The following OVOL1 variants were observed in gnomAD, a reference collection of about 807,000 sequenced individuals.
OVOL1 encodes the protein putative transcription factor Ovo-like 1.
OVOL1 carries 10 observed loss-of-function variants against 21.5 expected under a neutral mutation model. The ratio of observed to expected loss-of-function variants is 0.46; its 90% CI spans 0.29 to 0.79. The LOEUF (loss-of-function observed/expected upper bound fraction) is 0.79. OVOL1 is among the 30% of genes least tolerant of loss of function. The pLI is 0.10. For synonymous variants in OVOL1, 129 were observed against 150.3 expected, an observed-to-expected ratio of 0.86 and a Z score of 1.03; for missense variants, 279 against 362.3, an observed-to-expected ratio of 0.77 and a Z score of 1.87.
intron 1 of OVOL1, chr11:65,790,390 C>T (rs900695919): frequency 3.3e-5 from 5 of 152,306 alleles, no homozygotes; most frequent in African/African-American, 9.6e-5. Flanking sequence ...CTCTGCCACT[C>T]GCCTGGTGGA....
At chr11:65,791,912 G>A (rs1221303269) in intron 1 of OVOL1, among the ~76,000 whole-genome samples, 1 of 152,258 alleles carries the variant, frequency 6.6e-6, no homozygotes, top group Non-Finnish European at 1.5e-5. Flanking sequence ...AGTGCCAGGT[G>A]GCACGCCAGT....
At chr11:65,791,051 C>T (rs1163094237) in intron 1 of OVOL1, among the ~76,000 whole-genome samples, 1 of 152,216 alleles carries the variant, frequency 6.6e-6, no homozygotes, top group African/African-American at 2.4e-5. Context: ...TGGGCGGGCA[C>T]CCTGGCGCGA....
chr11:65,795,392 T>G lies in OVOL1; in HGVS notation c.*51T>G, dbSNP rs920352857. On this transcript the variant is annotated 3_prime_UTR_variant, in exon 4 of 4. Transcript: ENST00000335987. This position sits in a 1 kb window ranked among gnomAD's most constrained non-coding sequence, Gnocchi z 5.7. ...TGGAAGCCCCAAGAGCATCCAGGAT[T>G]GCCTCCCAGCTGCCTGGCCAGCCCA... 4.7e-6 allele frequency: 7 copies of G among 1,495,124 alleles called. No homozygotes were observed. The highest frequency in any genetic ancestry group is 6.3e-6 in the Non-Finnish European group (7 of 1,114,150). The allele number at this position is 1,495,124 out of a possible 1,614,324, so 92.6% of individuals were successfully genotyped here.
In OVOL1 at chr11:65,795,293, A is replaced by G. The variant is rs1168335518; in HGVS notation, c.756A>G (p.Ala252=). The change falls in exon 4 of 4, where the codon GCA becomes GCG. Residue 252 remains alanine (A), a synonymous_variant. Transcript: ENST00000335987. This position sits in a 1 kb window ranked among gnomAD's most constrained non-coding sequence, Gnocchi z 5.7. ...LRKTSKKVAV[A]LQNTVTSLLQ... ...AGACCTCCAAGAAGGTGGCCGTGGC[A>G]CTACAGAACACTGTCACTTCCCTGC... 6.2e-7 allele frequency: 1 copy of G among 1,612,114 alleles called. No homozygotes were observed. Among genetic ancestry groups the G allele is most frequent in the East Asian group, 2.2e-5 (1 of 44,830 alleles).
At position 65,795,411 on chromosome 11, in the gene OVOL1, C is replaced by T; in HGVS notation, c.*70C>T. On this transcript the variant is annotated 3_prime_UTR_variant, in exon 4 of 4. Coordinates refer to ENST00000335987, the MANE Select transcript of OVOL1 (RefSeq NM_004561.4). The surrounding 1 kb of genome is among the most constrained non-coding windows in gnomAD (Gnocchi z 5.7). The stretch of plus-strand genomic sequence containing the variant: ...CAGGATTGCCTCCCAGCTGCCTGGC[C>T]AGCCCACCCTCCTGCAACCTCTCAC... The T allele has an allele frequency of 7.2e-7, 1 of 1,397,638 alleles. No homozygotes were observed. Among genetic ancestry groups the T allele is most frequent in the Non-Finnish European group, 9.7e-7 (1 of 1,032,942 alleles). 86.6% of individuals were successfully genotyped at this position (1,397,638 alleles called of 1,614,324 possible). A position where few individuals can be genotyped will look rare whatever the true frequency, so the allele number is the denominator to read the frequency against.
chr11:65,791,698 G>C (rs867081791), intron 1 of OVOL1, among the ~76,000 whole-genome samples: 4 of 152,354 alleles, frequency 2.6e-5, no homozygotes, highest in South Asian at 4.1e-4. Flanking sequence ...AGGCAAGTAG[G>C]GCCAGCAGGA....
At chr11:65,794,009 C>T (rs1355646471) in intron 1 of OVOL1, 22 bp from the exon 2 acceptor site, 2 of 1,599,728 alleles carry the variant, frequency 1.3e-6, no homozygotes, top group Non-Finnish European at 1.7e-6. Context: ...CCAAGCCTCT[C>T]ACCTGTCTGT....
rs779332644 is a variant in OVOL1 at position 65,794,255 on chromosome 11, C to T, written c.318+7C>T. ...CCTGCGCACCAAGATGAAGGTAATGCCACTCGCGCTGTCTCCGAGGGCCGG... is the reference window on the plus strand; with the variant it reads ...CCTGCGCACCAAGATGAAGGTAATGTCACTCGCGCTGTCTCCGAGGGCCGG... On this transcript the variant is annotated splice_region_variant and intron_variant, in intron 2 of 3. Coordinates refer to ENST00000335987, the MANE Select transcript of OVOL1 (RefSeq NM_004561.4). The T allele has an allele frequency of 1.9e-6, 3 of 1,609,742 alleles. No individual in the cohort carries two copies. The highest frequency in any genetic ancestry group is 2.5e-6 in the Non-Finnish European group (3 of 1,177,356).
At chr11:65,794,990 G>A (rs954878698) in intron 3 of OVOL1, 56 bp from the exon 4 acceptor site, 150 of 1,561,676 alleles carry the variant, frequency 9.6e-5, no homozygotes, top group Middle Eastern at 3.5e-4. Flanking sequence ...GGAAGCAGCC[G>A]ACAGCCTCTG....
At chr11:65,787,572 C>T in intron 1 of OVOL1, 99 bp downstream of exon 1, 2 of 521,216 alleles carry the variant, frequency 3.8e-6, no homozygotes, top group Middle Eastern at 8.4e-4. Flanking sequence ...GCGGCAGGCG[C>T]GGTGTGGGCG....
rs537946564 is a variant in OVOL1 at position 65,796,619 on chromosome 11, G to A, written c.*1278G>A. ...AAATTGTATCTGTTGCCTTTTTTCT[G>A]ACTTTTTCACCTGACCAGGCTGGGG... On this transcript the variant is annotated 3_prime_UTR_variant, in exon 4 of 4. Transcript: ENST00000335987. 1 of 152,320 alleles carries A rather than the reference G, an allele frequency of 6.6e-6. No homozygotes were observed. Among genetic ancestry groups the A allele is most frequent in the East Asian group, 1.9e-4 (1 of 5,188 alleles). The allele number at this position is 152,320 out of a possible 1,614,324, so 9.4% of individuals were successfully genotyped here.
At chr11:65,791,226 C>T (rs986598641) in intron 1 of OVOL1, among the ~76,000 whole-genome samples, 2 of 152,188 alleles carry the variant, frequency 1.3e-5, no homozygotes, top group African/African-American at 4.8e-5. Flanking sequence ...CTGGCTGGTG[C>T]TGGGTCCTTT....
chr11:65,789,050 G>T (rs997695118), intron 1 of OVOL1: 1 of 985,444 alleles, frequency 1.0e-6, no homozygotes, highest in African/African-American at 1.7e-5. Flanking sequence ...TTGGACCGTG[G>T]TAAAGGTGAG....
At chr11:65,788,655 T>C in intron 1 of OVOL1, 1 of 985,418 alleles carries the variant, frequency 1.0e-6, no homozygotes, top group Non-Finnish European at 1.2e-6. Context: ...GTGAGGTCTT[T>C]GTGGCCTGAC....
At chr11:65,791,476 G>A (rs1253773968) in intron 1 of OVOL1, among the ~76,000 whole-genome samples, 1 of 152,214 alleles carries the variant, frequency 6.6e-6, no homozygotes, top group African/African-American at 2.4e-5. Context: ...AGAGAGCCAG[G>A]GACAGGCCTC....
At chr11:65,793,425 T>C (rs556602122) in intron 1 of OVOL1, among the ~76,000 whole-genome samples, 2 of 152,294 alleles carry the variant, frequency 1.3e-5, no homozygotes, top group Admixed American at 1.3e-4. Context: ...CCTGACCTCC[T>C]CCCTGTTCCA....
intron 1 of OVOL1, chr11:65,789,937 TC>T (rs1281174848): frequency 6.6e-6 from 1 of 152,286 alleles, no homozygotes; most frequent in East Asian, 1.9e-4. Flanking sequence ...AGCTTCTTAC[TC>T]CCGGGGCAGA....
In OVOL1 at chr11:65,787,231, C is replaced by G; in HGVS notation, c.-143C>G. ...CCGCCGCGCGCCGTCCGGGCTCGGA[C>G]CTTCCCCGGAACGTGGGGGCGCCTT... On this transcript the variant is annotated 5_prime_UTR_variant, in exon 1 of 4. Coordinates refer to ENST00000335987, the MANE Select transcript of OVOL1 (RefSeq NM_004561.4). 3.2e-6 allele frequency: 2 copies of G among 615,628 alleles called. No homozygotes were observed. The highest frequency in any genetic ancestry group is 3.5e-5 in the South Asian group (2 of 57,508). 38.1% of individuals were successfully genotyped at this position (615,628 alleles called of 1,614,324 possible).
At chr11:65,793,236 G>T (rs532174189) in intron 1 of OVOL1, among the ~76,000 whole-genome samples, 1 of 152,200 alleles carries the variant, frequency 6.6e-6, no homozygotes, top group Admixed American at 6.5e-5. Flanking sequence ...TCCCCGGCCC[G>T]TTCGGTGTGA....
Sources: gnomAD v4.1 joint callset for allele counts (sites outside exome capture counted in the v4.1 genomes callset) on GRCh38, gnomAD v4.1.1 for gene constraint, Gnocchi (gnomAD v3.1) non-coding constraint, MANE v1.5 for transcripts, NCBI Gene and HGNC (gene_info 2026-07-23, HGNC 2026-07-21) for gene names.